Variants in PRH2 observed in about 807,000 individuals in gnomAD.
The protein encoded by PRH2 is salivary acidic proline-rich phosphoprotein 1/2.
PRH2 carries 19 observed loss-of-function variants against 22.6 expected under a neutral mutation model. That is an observed-to-expected ratio of 0.84 (90% CI 0.59 to 1.23). The LOEUF (loss-of-function observed/expected upper bound fraction) is 1.23, where lower values mean the gene tolerates loss of function less well. Among genes scored for constraint, PRH2 ranks in the 50% most tolerant of loss-of-function variants. The pLI is 0.00. For missense variants in PRH2, 109 were observed against 203.0 expected (o/e 0.54, Z 2.81); for synonymous variants, 45 against 72.0 (o/e 0.63, Z 1.90).
At chr12:10,932,202 T>C (rs1466392227) in intron 3 of PRH2, 24 bp from the exon 4 acceptor site, 1 of 434,994 alleles carries the variant, frequency 2.3e-6, no homozygotes, top group African/African-American at 2.0e-5. Flanking sequence ...AAGTCTTGCC[T>C]ATAATCTTCC....
chr12:10,934,807 T>G lies in PRH2; in HGVS notation c.*2600T>G, dbSNP rs1160725112. Among the ~76,000 whole-genome samples the G allele has an allele frequency of 6.6e-6, 1 of 152,134 alleles. No individual in the cohort carries two copies. The highest frequency in any genetic ancestry group is 1.5e-5 in the Non-Finnish European group (1 of 67,988). On this transcript the variant is annotated 3_prime_UTR_variant, in exon 4 of 4. Transcript: ENST00000396400. ...CTTCATGATGAAAGAAAAAACTGAA[T>G]TCTCATTGTTAATAAACAAATAAAG...
At chr12:10,931,635 C>T (rs1192369070) in intron 3 of PRH2, among the ~76,000 whole-genome samples, 1 of 152,148 alleles carries the variant, frequency 6.6e-6, no homozygotes, top group Non-Finnish European at 1.5e-5. Flanking sequence ...CTACCCTTAC[C>T]AAAACTCCCA....
chr12:10,929,599 G>T (rs1414540179), intron 1 of PRH2, among the ~76,000 whole-genome samples: 1 of 152,200 alleles, frequency 6.6e-6, no homozygotes, highest in Non-Finnish European at 1.5e-5. Context: ...ACATGGGACT[G>T]CTGGGAAGGA....
At chr12:10,930,359 G>C in intron 2 of PRH2, 55 bp downstream of exon 2, 1 of 1,577,538 alleles carries the variant, frequency 6.3e-7, no homozygotes, top group South Asian at 1.1e-5. Context: ...CTGAAAAATT[G>C]ATCAGTTCTC....
In PRH2 at chr12:10,930,302, C is replaced by T. The variant is rs752951465; in HGVS notation, c.98C>T (p.Ser33Leu). ...VSQEDVPLVI[S>L]DGGDSEQFID... ...CAAGAAGACGTTCCCTTGGTAATAT[C>T]AGGTAAATCCCAATAAATTCTCAGT... Residue 33 changes from serine to leucine, a missense_variant and splice_region_variant, in exon 2 of 4, where the codon TCA (serine) becomes TTA (leucine). Physicochemically the swap from Ser to Leu is moderately radical, Grantham distance 145. This residue lies in a region of PRH2 where 54 missense variants were observed against 60.5 expected (regional missense o/e 0.89). Coordinates refer to ENST00000396400, the MANE Select transcript of PRH2 (RefSeq NM_001110213.1). The T allele has an allele frequency of 7.4e-6, 12 of 1,612,046 alleles. No individual in the cohort carries two copies. The Admixed American group carries it at 2.0e-4, about 27-fold the overall frequency.
rs1950230656 is a variant in PRH2 at position 10,932,663 on chromosome 12, G to C, written c.*456G>C. On this transcript the variant is annotated 3_prime_UTR_variant, in exon 4 of 4. Coordinates refer to ENST00000396400, the MANE Select transcript of PRH2 (RefSeq NM_001110213.1). ...AACTTATTTTGTTTTCTAGGAAAGT[G>C]AGTATGGTTCTATGCCTGTATTCCC... is the stretch of plus-strand genomic sequence containing the variant. Among the ~76,000 whole-genome samples, 1 of 152,132 alleles carries C rather than the reference G, an allele frequency of 6.6e-6. No individual in the cohort carries two copies. The highest frequency in any genetic ancestry group is 6.5e-5 in the Admixed American group (1 of 15,278).
In PRH2 at chr12:10,930,874, C is replaced by A; in HGVS notation, c.313C>A (p.Gln105Lys). 6.2e-7 allele frequency: 1 copy of A among 1,612,828 alleles called. No individual in the cohort carries two copies. The highest frequency in any genetic ancestry group is 8.5e-7 in the Non-Finnish European group (1 of 1,179,394). ...PQQGGHPPPP[Q>K]GRPQGPPQQG... is the part of the protein sequence containing the mutation. ...ACAGGGAGGCCATCCCCCTCCTCCTCAAGGAAGGCCACAAGGACCACCCCA... is the reference window on the plus strand; with the variant it reads ...ACAGGGAGGCCATCCCCCTCCTCCTAAAGGAAGGCCACAAGGACCACCCCA... Residue 105 changes from glutamine to lysine, a missense_variant, in exon 3 of 4, where the codon CAA (glutamine) becomes AAA (lysine). Physicochemically the swap from Gln to Lys is moderately conservative, Grantham distance 53 (BLOSUM62 1). Around this residue, in one of 4 missense-constraint regions of PRH2, gnomAD observed 41 missense variants for 93.6 expected, o/e 0.44. Coordinates refer to ENST00000396400, the MANE Select transcript of PRH2 (RefSeq NM_001110213.1).
intron 1 of PRH2, 61 bp downstream of exon 1, chr12:10,929,398 G>A (rs530001275): frequency 6.3e-7 from 1 of 1,599,756 alleles, no homozygotes; most frequent in East Asian, 2.2e-5. Flanking sequence ...GAATGCTATA[G>A]AGGGGGAAAG....
In PRH2 at chr12:10,932,669, G is replaced by T. The variant is rs1320191870; in HGVS notation, c.*462G>T. 6.6e-6 allele frequency among the ~76,000 whole-genome samples: 1 copy of T among 152,062 alleles called. No homozygotes were observed. Among genetic ancestry groups the T allele is most frequent in the Non-Finnish European group, 1.5e-5 (1 of 67,990 alleles). ...TTTTGTTTTCTAGGAAAGTGAGTAT[G>T]GTTCTATGCCTGTATTCCCCAGAAG... On this transcript the variant is annotated 3_prime_UTR_variant, in exon 4 of 4. Coordinates refer to ENST00000396400, the MANE Select transcript of PRH2 (RefSeq NM_001110213.1).
Position 10,934,302 on chromosome 12 carries a change from A to G in PRH2, c.*2095A>G, listed in dbSNP as rs971114154. ...TTTCTGCTCATCTGTAAAGATAACTACAGCTCCTCTATAAACCATCTCACC... is the reference window on the plus strand; with the variant it reads ...TTTCTGCTCATCTGTAAAGATAACTGCAGCTCCTCTATAAACCATCTCACC... On this transcript the variant is annotated 3_prime_UTR_variant, in exon 4 of 4. Transcript: ENST00000396400. Among the ~76,000 whole-genome samples, 15 of 152,132 alleles carry G rather than the reference A, an allele frequency of 9.9e-5. No individual in the cohort carries two copies. Among genetic ancestry groups the G allele is most frequent in the Admixed American group, 2.0e-4 (3 of 15,264 alleles).
In PRH2 at chr12:10,932,510, C is replaced by T. The variant is rs1950228593; in HGVS notation, c.*303C>T. 1.3e-5 allele frequency among the ~76,000 whole-genome samples: 2 copies of T among 152,066 alleles called. No individual in the cohort carries two copies. The highest frequency in any genetic ancestry group is 1.5e-5 in the Non-Finnish European group (1 of 67,978). The stretch of plus-strand genomic sequence containing the variant: ...TCTTTCCTTCTCTGTCTTCTTAGCT[C>T]GAATTTAAATTGCACAATTATTTTC... On this transcript the variant is annotated 3_prime_UTR_variant, in exon 4 of 4. Coordinates refer to ENST00000396400, the MANE Select transcript of PRH2 (RefSeq NM_001110213.1).
In PRH2 at chr12:10,932,628, GT is replaced by G. The variant is rs1950230371; in HGVS notation, c.*424del. ...CAGAAGCTGAGAGAAACTTTAACAA[GT>G]TTGAGAGTAACTTATTTTGTTTTCT... On this transcript the variant is annotated 3_prime_UTR_variant, in exon 4 of 4. Transcript: ENST00000396400. 1.3e-5 allele frequency among the ~76,000 whole-genome samples: 2 copies of G among 152,132 alleles called. No homozygotes were observed.
At chr12:10,929,962 A>G (rs1950179811) in intron 1 of PRH2, among the ~76,000 whole-genome samples, 1 of 152,206 alleles carries the variant, frequency 6.6e-6, no homozygotes, top group Admixed American at 6.5e-5. Flanking sequence ...AAGAGGGCAG[A>G]AGGATCCCCA....
intron 3 of PRH2, 143 bp downstream of exon 3, chr12:10,931,223 G>C: frequency 6.7e-7 from 1 of 1,489,212 alleles, no homozygotes. Flanking sequence ...AATATTCTGG[G>C]ATAAGGTAGC....
rs941882234 is a variant in PRH2, at chr12:10,932,818, G to C, written c.*611G>C. Among the ~76,000 whole-genome samples, 1 of 151,966 alleles carries C rather than the reference G, an allele frequency of 6.6e-6. No homozygotes were observed. Among genetic ancestry groups the C allele is most frequent in the East Asian group, 1.9e-4 (1 of 5,176 alleles). On this transcript the variant is annotated 3_prime_UTR_variant, in exon 4 of 4. Transcript: ENST00000396400. The stretch of plus-strand genomic sequence containing the variant: ...CGGCAGCATAATTTGAAGGGCAATT[G>C]CGTGTGAAAATTGATGTGACTTGAT...
chr12:10,930,623 C>T (rs769846060), intron 2 of PRH2, 39 bp from the exon 3 acceptor site: 1 of 1,610,148 alleles, frequency 6.2e-7, no homozygotes, highest in East Asian at 2.2e-5. Flanking sequence ...GGAGGGTTTT[C>T]CAGCATGAGC....
In PRH2 at chr12:10,931,191, C is replaced by T. The variant is rs1348976193; in HGVS notation, c.*18+111C>T. 5.2e-6 allele frequency: 8 copies of T among 1,535,940 alleles called. No homozygotes were observed. In the South Asian group the frequency reaches 6.5e-5, roughly 12 times the overall value. On this transcript the variant is annotated intron_variant, in intron 3 of 3. Transcript: ENST00000396400. ...GTTAATATTTCCGTGTCCTGGAACA[C>T]ATTTCTCATGAGTTTTGTTCAAATA...
rs139046050 is a variant in PRH2, at chr12:10,933,673, A to G, written c.*1466A>G. 4.9e-3 allele frequency among the ~76,000 whole-genome samples: 742 copies of G among 152,202 alleles called. 7 individuals carry two copies. In the Middle Eastern group the frequency reaches 0.051, roughly 10 times the overall value. ...TATTTAATATATTTTTTAAAAAACA[A>G]TTCTTGTAAAATACTTTTTTGATTA... On this transcript the variant is annotated 3_prime_UTR_variant, in exon 4 of 4. Transcript: ENST00000396400.
chr12:10,930,387 C>A (rs1198863790), intron 2 of PRH2, 83 bp downstream of exon 2: 4 of 1,545,658 alleles, frequency 2.6e-6, no homozygotes, highest in Non-Finnish European at 2.7e-6. Flanking sequence ...TTCTTATCAT[C>A]CTTGTCAGGA....
Sources: allele counts gnomAD v4.1 joint callset (sites outside exome capture counted in the v4.1 genomes callset), GRCh38; gene constraint gnomAD v4.1.1; regional missense constraint gnomAD v4.1.1; transcripts MANE v1.5; gene names NCBI Gene and HGNC (gene_info 2026-07-23, HGNC 2026-07-21).